The following DLG2 variants were observed in gnomAD, a reference collection of about 807,000 sequenced individuals.
The protein encoded by DLG2 is disks large homolog 2.
In DLG2, 45 loss-of-function variants were observed where a neutral mutation model predicts 132.5. That is an observed-to-expected ratio of 0.34 (90% CI 0.27 to 0.44). The LOEUF (loss-of-function observed/expected upper bound fraction) is 0.44, where lower values mean the gene tolerates loss of function less well. Among genes scored for constraint, DLG2 ranks in the 20% least tolerant of loss-of-function variants. The pLI is 1.00. For synonymous variants in DLG2, 424 were observed against 419.6 expected (o/e 1.01, Z -0.13); for missense variants, 1,045 against 1,196.9 (o/e 0.87, Z 1.87).
At chr11:83,786,000 C>G (rs2153885757) in intron 18 of DLG2, among the ~76,000 whole-genome samples, 1 of 152,230 alleles carries the variant, frequency 6.6e-6, no homozygotes, top group South Asian at 2.1e-4. Context: ...AAGGAGCAAC[C>G]TATATATGAA....
intron 3 of DLG2, among the ~76,000 whole-genome samples, chr11:85,304,193 G>C (rs2152798741): frequency 6.6e-6 from 1 of 152,222 alleles, no homozygotes; most frequent in African/African-American, 2.4e-5. Flanking sequence ...AAAAACTATG[G>C]CAAACCAGAC....
intron 22 of DLG2, among the ~76,000 whole-genome samples, chr11:83,482,136 G>C (rs138265842): frequency 7.9e-5 from 12 of 151,964 alleles, no homozygotes; most frequent in Admixed American, 7.2e-4. Context: ...TCATCTTTAA[G>C]ATCAGTACTC....
intron 8 of DLG2, among the ~76,000 whole-genome samples, chr11:84,236,739 A>G: frequency 6.6e-6 from 1 of 152,068 alleles, no homozygotes; most frequent in Non-Finnish European, 1.5e-5. Flanking sequence ...TAACCCAACC[A>G]CCCATTTCTG....
chr11:85,182,795 A>AG (rs553028000), intron 4 of DLG2, among the ~76,000 whole-genome samples: 87 of 150,958 alleles, frequency 5.8e-4, no homozygotes, highest in African/African-American at 1.8e-3. Flanking sequence ...AAAAACAAAA[A>AG]GAAAAAAAAG....
At chr11:84,182,295 T>C (rs1326792019) in intron 8 of DLG2, among the ~76,000 whole-genome samples, 1 of 151,954 alleles carries the variant, frequency 6.6e-6, no homozygotes, top group Admixed American at 6.6e-5. Flanking sequence ...AATTGGAAAG[T>C]ATTTTGAACT....
intron 6 of DLG2, among the ~76,000 whole-genome samples, chr11:84,933,897 T>C (rs1176666066): frequency 1.3e-5 from 2 of 152,194 alleles, no homozygotes; most frequent in East Asian, 3.8e-4. Flanking sequence ...TCTAGTACTA[T>C]GTTGAACAAG....
intron 18 of DLG2, among the ~76,000 whole-genome samples, chr11:83,780,996 A>C (rs1292913033): frequency 6.6e-6 from 1 of 152,210 alleles, no homozygotes; most frequent in African/African-American, 2.4e-5. Flanking sequence ...TCTTGATAAA[A>C]TGCAGATTCT....
chr11:83,517,026 A>G (rs2095318865), intron 21 of DLG2, among the ~76,000 whole-genome samples: 1 of 152,122 alleles, frequency 6.6e-6, no homozygotes, highest in African/African-American at 2.4e-5. Flanking sequence ...CTCAAGGAGT[A>G]TCTTTGTGGC....
chr11:84,392,040 A>G lies in DLG2; in HGVS notation c.520-140749T>C, dbSNP rs971299359. Among the ~76,000 whole-genome samples the G allele has an allele frequency of 2.0e-5, 3 of 152,178 alleles. No individual in the cohort carries two copies. The East Asian group carries it at 5.8e-4, about 29-fold the overall frequency. On this transcript the variant is annotated intron_variant, in intron 7 of 27. Coordinates refer to ENST00000376104, the MANE Select transcript of DLG2 (RefSeq NM_001142699.3). ...ACAATAGGGATTTGGTATCTACCTAATGGAGTCTTTGTGAAGAATCAATTA... is the reference window on the plus strand; with the variant it reads ...ACAATAGGGATTTGGTATCTACCTAGTGGAGTCTTTGTGAAGAATCAATTA...
intron 4 of DLG2, among the ~76,000 whole-genome samples, chr11:85,217,191 T>C (rs2152579050): frequency 6.6e-6 from 1 of 152,146 alleles, no homozygotes; most frequent in Non-Finnish European, 1.5e-5. Context: ...GGAACAGAAC[T>C]ATGATATGAA....
At chr11:83,830,277 T>G (rs904427920) in intron 17 of DLG2, among the ~76,000 whole-genome samples, 7 of 152,256 alleles carry the variant, frequency 4.6e-5, no homozygotes, top group African/African-American at 1.4e-4. Context: ...CCTTATTTAC[T>G]GTGTGGTCCT....
intron 14 of DLG2, among the ~76,000 whole-genome samples, chr11:83,945,913 C>A (rs2083751349): frequency 7.0e-6 from 1 of 141,850 alleles, no homozygotes; most frequent in Non-Finnish European, 1.5e-5. Context: ...CTTCTCTTTC[C>A]TTCTTTCCTT....
At position 83,890,197 on chromosome 11, in the gene DLG2, C is replaced by T. The variant is rs531329867; in HGVS notation, c.1497-15709G>A. ...GGAAAATTAGAAATGGGAAGATTTT[C>T]GTATGCCAGCTAGGATTTTAGGCAT... On this transcript the variant is annotated intron_variant, in intron 15 of 27. Coordinates refer to ENST00000376104, the MANE Select transcript of DLG2 (RefSeq NM_001142699.3). Among the ~76,000 whole-genome samples, 53 of 152,210 alleles carry T rather than the reference C, an allele frequency of 3.5e-4. 1 individual carries two copies. The South Asian group carries it at 0.01, about 29-fold the overall frequency.
intron 16 of DLG2, among the ~76,000 whole-genome samples, chr11:83,859,470 T>G (rs900240205): frequency 5.9e-5 from 9 of 152,234 alleles, no homozygotes; most frequent in East Asian, 1.9e-4. Flanking sequence ...ATTTTGCCCC[T>G]GCCCTAGAGA....
chr11:83,645,609 C>G (rs925198421), intron 18 of DLG2: 1 of 152,148 alleles, frequency 6.6e-6, no homozygotes, highest in Non-Finnish European at 1.5e-5. Context: ...GCAAATTTAT[C>G]TTTCCTCTGA....
Position 85,506,143 on chromosome 11 carries a change from T to C in DLG2, c.40+92514A>G, listed in dbSNP as rs536545180. ...TTATTAGTCTGGCTAGTGGTCTATT[T>C]TGTTGATCTTTTCAAAAAACCAGCT... On this transcript the variant is annotated intron_variant, in intron 3 of 27. Coordinates refer to ENST00000376104, the MANE Select transcript of DLG2 (RefSeq NM_001142699.3). Among the ~76,000 whole-genome samples the C allele has an allele frequency of 9.9e-5, 15 of 152,048 alleles. No individual in the cohort carries two copies. The Middle Eastern group carries it at 0.01, about 103-fold the overall frequency.
At chr11:83,979,066 A>G (rs568254024) in intron 12 of DLG2, among the ~76,000 whole-genome samples, 2 of 152,282 alleles carry the variant, frequency 1.3e-5, no homozygotes, top group Middle Eastern at 3.4e-3. Context: ...CCTTTATAAA[A>G]GAACATGGAA....
chr11:83,775,400 A>C (rs1203760858), intron 18 of DLG2, among the ~76,000 whole-genome samples: 4 of 152,190 alleles, frequency 2.6e-5, no homozygotes, highest in Non-Finnish European at 5.9e-5. Context: ...ACTCTACTGT[A>C]TAGTTTTTAA....
chr11:83,925,912 A>C (rs61229356), intron 15 of DLG2, among the ~76,000 whole-genome samples: 2,638 of 152,180 alleles, frequency 0.017, 42 homozygotes, highest in South Asian at 0.053. Context: ...TTTTTCAAAG[A>C]AAAAGAGATG....
Sources: gnomAD v4.1 joint callset for allele counts (sites outside exome capture counted in the v4.1 genomes callset) on GRCh38, gnomAD v4.1.1 for gene constraint, MANE v1.5 for transcripts, NCBI Gene and HGNC (gene_info 2026-07-23, HGNC 2026-07-21) for gene names.